The following VAV2 variants were observed in gnomAD, a reference collection of about 807,000 sequenced individuals.
The protein encoded by VAV2 is guanine nucleotide exchange factor VAV2.
A neutral mutation model predicts 132.5 loss-of-function variants in VAV2; 67 were observed. The ratio of observed to expected loss-of-function variants is 0.51; its 90% CI spans 0.42 to 0.62. The LOEUF (loss-of-function observed/expected upper bound fraction) is 0.62, where lower values mean the gene tolerates loss of function less well. Ranked by LOEUF, VAV2 falls within the 20% of genes least tolerant of loss-of-function variation. The pLI is 0.00. For missense variants in VAV2, 938 were observed against 1,153.6 expected, an observed-to-expected ratio of 0.81 and a Z score of 2.71; for synonymous variants, 492 against 443.5, an observed-to-expected ratio of 1.11 and a Z score of -1.37.
chr9:133,960,588 T>G (rs921505040), intron 1 of VAV2, among the ~76,000 whole-genome samples: 3 of 152,228 alleles, frequency 2.0e-5, no homozygotes, highest in African/African-American at 4.8e-5. Context: ...AGGACTTATC[T>G]GCGGAGAAAA....
rs1038719250 is a variant in VAV2 at position 133,824,432 on chromosome 9, G to A, written c.449+9840C>T. ...TCAGTTCCCGAGAACAGACATAGAA[G>A]AGACCCAGCCAGGACACTCTTAAAA... On this transcript the variant is annotated intron_variant, in intron 4 of 29. Coordinates refer to ENST00000371850, the MANE Select transcript of VAV2 (RefSeq NM_001134398.2). The surrounding 1 kb of genome is among the most constrained non-coding windows in gnomAD (Gnocchi z 5.2). Among the ~76,000 whole-genome samples, 3 of 146,468 alleles carry A rather than the reference G, an allele frequency of 2.0e-5. No homozygotes were observed. The highest frequency in any genetic ancestry group is 4.5e-5 in the Non-Finnish European group (3 of 66,778).
chr9:133,772,182 C>T (rs2131574072), intron 25 of VAV2, 136 bp from the exon 26 acceptor site: 1 of 722,396 alleles, frequency 1.4e-6, no homozygotes, highest in Non-Finnish European at 2.3e-6. Context: ...CCTGTCAGCC[C>T]TGTCCTACCC....
At chr9:133,906,430 G>A (rs563826107) in intron 2 of VAV2, among the ~76,000 whole-genome samples, 3 of 152,250 alleles carry the variant, frequency 2.0e-5, no homozygotes, top group Admixed American at 6.5e-5. Flanking sequence ...AGCCGCCCCC[G>A]CCCTGCCCAC....
At chr9:133,913,135 G>T (rs1307252041) in intron 2 of VAV2, among the ~76,000 whole-genome samples, 3 of 152,178 alleles carry the variant, frequency 2.0e-5, no homozygotes, top group African/African-American at 7.2e-5. Flanking sequence ...CACTCTGAGA[G>T]GGGCGCCCCC....
intron 9 of VAV2, among the ~76,000 whole-genome samples, chr9:133,801,132 A>G (rs201913339): frequency 1.7e-3 from 252 of 152,348 alleles, no homozygotes; most frequent in South Asian, 5.6e-3. Flanking sequence ...GTGAGTGGCC[A>G]CAGCCACAAG....
In VAV2 at chr9:133,958,312, G is replaced by C. The variant is rs186191833; in HGVS notation, c.205-19093C>G. 5.9e-3 allele frequency among the ~76,000 whole-genome samples: 831 copies of C among 142,008 alleles called. 8 individuals are homozygous for C. Among genetic ancestry groups the C allele is most frequent in the African/African-American group, 0.019 (761 of 39,490 alleles). 93.2% of individuals were successfully genotyped at this position (142,008 alleles called of 152,430 possible). On this transcript the variant is annotated intron_variant, in intron 1 of 29. Coordinates refer to ENST00000371850, the MANE Select transcript of VAV2 (RefSeq NM_001134398.2). ...CAATGGAATGTCTCGGTATAAAACC[G>C]GATTGTACGTTCCATCTACTGAGAT...
chr9:133,780,160 C>T (rs1833958554), intron 20 of VAV2: 2 of 585,158 alleles, frequency 3.4e-6, no homozygotes, highest in Non-Finnish European at 5.9e-6. Flanking sequence ...CTGTGCCCTT[C>T]TCTCTCCCAC....
At chr9:133,880,792 G>A (rs1306573944) in intron 2 of VAV2, among the ~76,000 whole-genome samples, 2 of 152,362 alleles carry the variant, frequency 1.3e-5, no homozygotes, top group Non-Finnish European at 2.9e-5. Flanking sequence ...ATTTTGCTAA[G>A]TCTAAAACTG....
intron 2 of VAV2, among the ~76,000 whole-genome samples, chr9:133,871,692 C>A (rs7046381): frequency 0.16 from 24,563 of 152,092 alleles, 2,482 homozygotes; most frequent in African/African-American, 0.29. Context: ...GTGGGGGGTC[C>A]CAACCACCCA....
At chr9:133,844,275 C>T (rs947076537) in intron 3 of VAV2, among the ~76,000 whole-genome samples, 5 of 152,190 alleles carry the variant, frequency 3.3e-5, no homozygotes, top group African/African-American at 9.6e-5. Flanking sequence ...CGGCTGGCAC[C>T]GGTTTGGAAG....
intron 2 of VAV2, among the ~76,000 whole-genome samples, chr9:133,899,310 A>G (rs1006936092): frequency 6.6e-6 from 1 of 151,618 alleles, no homozygotes; most frequent in Non-Finnish European, 1.5e-5. Context: ...TAACCCCAGC[A>G]CTTTGGGAGG....
At chr9:133,986,227 G>C (rs1842852420) in intron 1 of VAV2, among the ~76,000 whole-genome samples, 1 of 152,212 alleles carries the variant, frequency 6.6e-6, no homozygotes, top group African/African-American at 2.4e-5. Flanking sequence ...CCACCTGCTA[G>C]GAGGCAAGAA....
intron 16 of VAV2, 53 bp from the exon 17 acceptor site, chr9:133,785,938 G>A (rs763218762): frequency 2.4e-5 from 36 of 1,500,042 alleles, no homozygotes; most frequent in African/African-American, 4.1e-5. Context: ...CAGACATCCT[G>A]GCACATGTCC....
intron 5 of VAV2, among the ~76,000 whole-genome samples, chr9:133,811,766 G>A (rs951626238): frequency 2.0e-5 from 3 of 152,244 alleles, no homozygotes; most frequent in African/African-American, 7.2e-5. Flanking sequence ...TCCCTGGGCA[G>A]GAACAACTGA....
rs1840855165 is a variant in VAV2 at position 133,935,035 on chromosome 9, C to T, written c.321+4068G>A. On this transcript the variant is annotated intron_variant, in intron 2 of 29. Coordinates refer to ENST00000371850, the MANE Select transcript of VAV2 (RefSeq NM_001134398.2). This position sits in a 1 kb window ranked among gnomAD's most constrained non-coding sequence, Gnocchi z 5.2. The stretch of plus-strand genomic sequence containing the variant: ...CCCCTCGGTTACCCCTGACCAGCCC[C>T]ACCCACCCCAGACGACAGTCAGTTC... 6.6e-6 allele frequency among the ~76,000 whole-genome samples: 1 copy of T among 151,868 alleles called. No individual in the cohort carries two copies. Among genetic ancestry groups the T allele is most frequent in the South Asian group, 2.1e-4 (1 of 4,806 alleles).
intron 3 of VAV2, among the ~76,000 whole-genome samples, chr9:133,842,542 T>C (rs1836766817): frequency 6.6e-6 from 1 of 151,832 alleles, no homozygotes; most frequent in East Asian, 1.9e-4. Context: ...ATGCTGTAAC[T>C]GGGACAAGTT....
chr9:133,791,159 G>C (rs563538535), intron 13 of VAV2, among the ~76,000 whole-genome samples: 2 of 152,320 alleles, frequency 1.3e-5, no homozygotes, highest in Admixed American at 1.3e-4. Flanking sequence ...GCTCCGGTCA[G>C]CACAGACCAG....
At position 133,764,125 on chromosome 9, in the gene VAV2, A is replaced by G. The variant is rs767131738; in HGVS notation, c.2590-16T>C. 3.0e-5 allele frequency: 48 copies of G among 1,595,038 alleles called. No homozygotes were observed. Among genetic ancestry groups the G allele is most frequent in the Non-Finnish European group, 4.1e-5 (48 of 1,169,944 alleles). ...ACCAGCCAATCTGAAAAAGATGGTA[A>G]GATCGTGTCTGTGTGTGTGTGTGTG... On this transcript the variant is annotated splice_polypyrimidine_tract_variant and intron_variant, in intron 29 of 29. Transcript: ENST00000371850.
At chr9:133,847,612 CCT>C (rs1410511456) in intron 3 of VAV2, among the ~76,000 whole-genome samples, 22 of 152,184 alleles carry the variant, frequency 1.4e-4, no homozygotes, top group Admixed American at 1.3e-3. Flanking sequence ...ACCCTGGCCC[CCT>C]GACTCCCAGG....
Sources: gnomAD v4.1 joint callset for allele counts (sites outside exome capture counted in the v4.1 genomes callset) on GRCh38, gnomAD v4.1.1 for gene constraint, Gnocchi (gnomAD v3.1) non-coding constraint, MANE v1.5 for transcripts, NCBI Gene and HGNC (gene_info 2026-07-23, HGNC 2026-07-21) for gene names.